ROS1: variants seen among roughly 807,000 people sequenced by gnomAD.
The protein encoded by ROS1 is ROS proto-oncogene 1, receptor tyrosine kinase, also known as proto-oncogene tyrosine-protein kinase ROS.
In ROS1, 263 loss-of-function variants were observed where a neutral mutation model predicts 273.5. The ratio of observed to expected loss-of-function variants is 0.96; its 90% CI spans 0.87 to 1.06. The LOEUF is 1.06. Ranked by LOEUF, ROS1 falls within the 50% of genes least tolerant of loss-of-function variation. The probability of loss-of-function intolerance (pLI) is 0.00; values close to 1 mark genes in which losing one functional copy is unlikely to be tolerated. For missense variants in ROS1, 2,833 were observed against 2,751.1 expected, an observed-to-expected ratio of 1.03 and a Z score of -0.67; for synonymous variants, 1,008 against 954.1, an observed-to-expected ratio of 1.06 and a Z score of -1.04.
rs376237932 is a variant in ROS1 at position 117,317,255 on chromosome 6, T to C, written c.6005A>G (p.Asn2002Ser). The change falls in exon 39 of 44, where the codon AAC (asparagine) becomes AGC (serine). Residue 2002 changes from asparagine (N) to serine (S), a missense_variant. Asn to Ser is a conservative substitution (Grantham distance 46, BLOSUM62 1). Transcript: ENST00000368507. Reference protein sequence around the residue: ...AHLMSKFNHPNILKQLGVCLL... With the variant: ...AHLMSKFNHPSILKQLGVCLL... The stretch of plus-strand genomic sequence containing the variant: ...ACAAACTCCAAGCTGCTTCAGAATG[T>C]TGGGATGATTAAATTTGCTGAAAGG... 3 of 1,611,702 alleles carry C rather than the reference T, an allele frequency of 1.9e-6. No individual in the cohort carries two copies. Among genetic ancestry groups the C allele is most frequent in the Non-Finnish European group, 2.5e-6 (3 of 1,179,144 alleles).
intron 1 of ROS1, 39 bp from the exon 2 acceptor site, chr6:117,418,545 T>A (rs746400082): frequency 1.3e-6 from 2 of 1,513,766 alleles, no homozygotes; most frequent in Non-Finnish European, 1.8e-6. Context: ...CAGCCATCAG[T>A]ACTGGGTTCC....
intron 3 of ROS1, 72 bp downstream of exon 3, chr6:117,416,186 G>T: frequency 1.1e-6 from 1 of 922,834 alleles, no homozygotes; most frequent in South Asian, 1.4e-5. Context: ...AAATGCAAAT[G>T]GGAATCCTCT....
chr6:117,414,788 A>G (rs542788314), intron 3 of ROS1, among the ~76,000 whole-genome samples: 23 of 152,370 alleles, frequency 1.5e-4, no homozygotes, highest in African/African-American at 4.1e-4. Flanking sequence ...TGTCCACCAG[A>G]AAAATCTCAG....
At chr6:117,345,545 G>A (rs1312152035) in intron 27 of ROS1, among the ~76,000 whole-genome samples, 1 of 152,120 alleles carries the variant, frequency 6.6e-6, no homozygotes, top group African/African-American at 2.4e-5. Context: ...ACATATATTA[G>A]GTATTTAGTA....
At chr6:117,359,255 A>G (rs1779585729) in intron 24 of ROS1, among the ~76,000 whole-genome samples, 1 of 152,190 alleles carries the variant, frequency 6.6e-6, no homozygotes, top group South Asian at 2.1e-4. Context: ...TCAGCACAAC[A>G]GTTATCCTAG....
chr6:117,349,422 T>C (rs1338708916), intron 27 of ROS1, among the ~76,000 whole-genome samples: 1 of 152,012 alleles, frequency 6.6e-6, no homozygotes, highest in Non-Finnish European at 1.5e-5. Context: ...ATATACTATC[T>C]CCATCCCTTT....
chr6:117,397,215 T>A, intron 7 of ROS1, 99 bp from the exon 8 acceptor site: 2 of 776,986 alleles, frequency 2.6e-6, no homozygotes. Context: ...TTTGAAAACT[T>A]AATGGAAACG....
At chr6:117,356,566 T>A in intron 26 of ROS1, 63 bp downstream of exon 26, 1 of 1,441,018 alleles carries the variant, frequency 6.9e-7, no homozygotes, top group East Asian at 2.3e-5. Context: ...AAGCCCTTTG[T>A]AAATGCAGTT....
intron 24 of ROS1, among the ~76,000 whole-genome samples, chr6:117,358,694 C>T (rs1356300352): frequency 6.6e-6 from 1 of 152,052 alleles, no homozygotes; most frequent in Non-Finnish European, 1.5e-5. Context: ...TCCCGGCATC[C>T]AGTGATCCAC....
At chr6:117,336,274 T>C (rs1692571416) in intron 32 of ROS1, among the ~76,000 whole-genome samples, 1 of 152,080 alleles carries the variant, frequency 6.6e-6, no homozygotes, top group Admixed American at 6.6e-5. Flanking sequence ...ATCACCTAGG[T>C]ATTAAGCCCA....
chr6:117,368,972 C>T (rs1035383795), intron 18 of ROS1, among the ~76,000 whole-genome samples: 8 of 151,404 alleles, frequency 5.3e-5, no homozygotes, highest in African/African-American at 1.9e-4. Context: ...GTTACGTTTA[C>T]TTGTTTTTAC....
intron 4 of ROS1, among the ~76,000 whole-genome samples, chr6:117,412,010 A>G (rs1253884929): frequency 6.6e-6 from 1 of 152,158 alleles, no homozygotes; most frequent in African/African-American, 2.4e-5. Context: ...CATTAGGAGG[A>G]GCTGGGCTTG....
In ROS1 at chr6:117,341,460, T is replaced by G. The variant is rs752400809; in HGVS notation, c.4824A>C (p.Pro1608=). The G allele has an allele frequency of 1.7e-5, 28 of 1,613,820 alleles. No individual in the cohort carries two copies. The Admixed American group carries it at 3.7e-4, about 21-fold the overall frequency. Reference sequence around the variant, plus strand: ...TAACAAGGAGAGTGAGCCTTCCATTTGGAAATTCACTTTGTCTTAGAGGAG... The same window carrying G: ...TAACAAGGAGAGTGAGCCTTCCATTGGGAAATTCACTTTGTCTTAGAGGAG... The part of the protein sequence containing the change: ...PETPLRQSEF[P]NGRLTLLVTR... Residue 1608 remains proline, a synonymous_variant, in exon 30 of 44, where the codon CCA becomes CCC. Coordinates refer to ENST00000368507, the MANE Select transcript of ROS1 (RefSeq NM_001378902.1).
chr6:117,346,856 T>C (rs980122314), intron 27 of ROS1, among the ~76,000 whole-genome samples: 1 of 152,192 alleles, frequency 6.6e-6, no homozygotes, highest in African/African-American at 2.4e-5. Context: ...TAGTATCACA[T>C]AGAATAGTTC....
intron 43 of ROS1, among the ~76,000 whole-genome samples, chr6:117,291,179 A>G (rs186830367): frequency 6.6e-6 from 1 of 152,314 alleles, no homozygotes; most frequent in African/African-American, 2.4e-5. Flanking sequence ...TTCATTGTAA[A>G]TAACAGAACA....
intron 22 of ROS1, among the ~76,000 whole-genome samples, chr6:117,360,950 A>G (rs1044290099): frequency 6.6e-6 from 1 of 152,186 alleles, no homozygotes; most frequent in Admixed American, 6.5e-5. Context: ...CTTTTTAGAA[A>G]GAGTAACTTT....
intron 33 of ROS1, chr6:117,328,718 C>T (rs2128590779): frequency 1.6e-6 from 1 of 612,722 alleles, no homozygotes; most frequent in South Asian, 1.4e-5. Flanking sequence ...GAAATCAGTC[C>T]TTCTAAGCCA....
intron 43 of ROS1, among the ~76,000 whole-genome samples, chr6:117,294,983 A>AAGACT (rs1455990702): frequency 6.6e-6 from 1 of 152,190 alleles, no homozygotes; most frequent in Non-Finnish European, 1.5e-5. Context: ...AGAACCACAA[A>AAGACT]AGACTCGGAA....
rs1376771523 is a variant in ROS1 at position 117,383,309 on chromosome 6, T to C, written c.2481+8A>G. On this transcript the variant is annotated splice_region_variant and intron_variant, in intron 17 of 43. Coordinates refer to ENST00000368507, the MANE Select transcript of ROS1 (RefSeq NM_001378902.1). The stretch of plus-strand genomic sequence containing the variant: ...ATTACTAAATGATCAGATCTTTTAA[T>C]TTGTCACCTTTTTCCCAGAAAACCA... 1.2e-6 allele frequency: 2 copies of C among 1,605,020 alleles called. No homozygotes were observed. Among genetic ancestry groups the C allele is most frequent in the Non-Finnish European group, 8.5e-7 (1 of 1,172,296 alleles).
Sources: allele counts gnomAD v4.1 joint callset (sites outside exome capture counted in the v4.1 genomes callset), GRCh38; gene constraint gnomAD v4.1.1; transcripts MANE v1.5; gene names NCBI Gene and HGNC (gene_info 2026-07-23, HGNC 2026-07-21).